TMEM67: variants seen among roughly 807,000 people sequenced by gnomAD.
TMEM67 encodes transmembrane protein 67.
Under a neutral mutation model 136.6 loss-of-function variants are expected in TMEM67, and 124 were observed. That is an observed-to-expected ratio of 0.91 (90% CI 0.78 to 1.05). The LOEUF (loss-of-function observed/expected upper bound fraction) is 1.05, where lower values mean the gene tolerates loss of function less well. TMEM67 is among the 50% of genes least tolerant of loss of function. The pLI is 0.00. For missense variants in TMEM67, 1,107 were observed against 1,178.4 expected (o/e 0.94, Z 0.89); for synonymous variants, 364 against 390.5 (o/e 0.93, Z 0.80).
intron 21 of TMEM67, among the ~76,000 whole-genome samples, chr8:93,800,168 C>A (rs1814810398): frequency 6.6e-6 from 1 of 152,126 alleles, no homozygotes; most frequent in Non-Finnish European, 1.5e-5. Context: ...TCCTCACCCT[C>A]CCAAAGTTCT....
At chr8:93,772,689 TGAA>T (rs1480250161) in intron 7 of TMEM67, 38 bp downstream of exon 7, 1 of 1,473,242 alleles carries the variant, frequency 6.8e-7, no homozygotes, top group Non-Finnish European at 9.5e-7. Context: ...CATTTTATTT[TGAA>T]GAATTATACC....
chr8:93,809,033 A>G (rs377369722), intron 24 of TMEM67, 24 bp from the exon 25 acceptor site: 14 of 1,551,850 alleles, frequency 9.0e-6, no homozygotes, highest in Non-Finnish European at 1.2e-5. Flanking sequence ...AACACTTTGT[A>G]TTCATTTCTC....
At chr8:93,768,129 G>A (rs1013966024) in intron 6 of TMEM67, among the ~76,000 whole-genome samples, 3 of 151,574 alleles carry the variant, frequency 2.0e-5, no homozygotes, top group African/African-American at 7.3e-5. Flanking sequence ...GCCTCCCAAA[G>A]TGCTGGGATT....
chr8:93,804,949 T>TAA, intron 23 of TMEM67, 71 bp downstream of exon 23: 25 of 853,678 alleles, frequency 2.9e-5, no homozygotes, highest in East Asian at 1.4e-4. Context: ...GGATTTGTTT[T>TAA]AAAAAAAAAA....
intron 3 of TMEM67, among the ~76,000 whole-genome samples, chr8:93,762,510 G>A (rs969086579): frequency 6.6e-6 from 1 of 151,794 alleles, no homozygotes; most frequent in Non-Finnish European, 1.5e-5. Context: ...TTTTTTCAGA[G>A]ACGTGGTCTT....
chr8:93,764,994 A>G (rs1813019411), intron 4 of TMEM67, among the ~76,000 whole-genome samples: 1 of 152,224 alleles, frequency 6.6e-6, no homozygotes, highest in Non-Finnish European at 1.5e-5. Flanking sequence ...TAGGAGCTAG[A>G]GATACATTTC....
intron 10 of TMEM67, 71 bp from the exon 11 acceptor site, chr8:93,782,324 G>A: frequency 8.4e-7 from 1 of 1,188,882 alleles, no homozygotes; most frequent in Non-Finnish European, 1.3e-6. Flanking sequence ...TCCATGTTCG[G>A]GTTTGAGAAC....
chr8:93,763,439 A>G (rs1190378934), intron 3 of TMEM67, among the ~76,000 whole-genome samples: 2 of 152,260 alleles, frequency 1.3e-5, no homozygotes, highest in African/African-American at 2.4e-5. Flanking sequence ...AGATACTACT[A>G]AAAGCCTTCT....
downstream of TMEM67, among the ~76,000 whole-genome samples, chr8:93,822,224 A>C (rs1222666209): frequency 6.6e-6 from 1 of 152,260 alleles, no homozygotes; most frequent in Non-Finnish European, 1.5e-5. Context: ...CCAAATGACC[A>C]ATAAACACCT....
chr8:93,767,890 A>G (rs1172457690), intron 6 of TMEM67, among the ~76,000 whole-genome samples: 92 of 107,260 alleles, frequency 8.6e-4, no homozygotes, highest in Non-Finnish European at 1.1e-3. Context: ...TTTGAGACGG[A>G]GTTTCACTCT....
intron 23 of TMEM67, among the ~76,000 whole-genome samples, chr8:93,808,332 A>C (rs1229156798): frequency 1.4e-5 from 2 of 140,692 alleles, no homozygotes; most frequent in South Asian, 2.2e-4. Context: ...TAAATTATAG[A>C]TAATAAATAT....
At chr8:93,814,350 A>G (rs1487109722) in intron 26 of TMEM67, among the ~76,000 whole-genome samples, 2 of 150,750 alleles carry the variant, frequency 1.3e-5, no homozygotes, top group Non-Finnish European at 2.9e-5. Flanking sequence ...CGTGTTAGCC[A>G]GGATAGTCTT....
chr8:93,759,799 C>A (rs1812743538), intron 3 of TMEM67: 1 of 415,096 alleles, frequency 2.4e-6, no homozygotes, highest in African/African-American at 2.1e-5. Context: ...TAGGCATGTG[C>A]CACCACACCT....
chr8:93,823,711 A>G (rs1385093547), downstream of TMEM67, among the ~76,000 whole-genome samples: 1 of 152,222 alleles, frequency 6.6e-6, no homozygotes, highest in Non-Finnish European at 1.5e-5. Flanking sequence ...AGAATTGACC[A>G]GATTCGAAAA....
intron 3 of TMEM67, chr8:93,762,964 C>A: frequency 2.3e-6 from 1 of 433,814 alleles, no homozygotes; most frequent in Non-Finnish European, 4.6e-6. Context: ...TCACTCTTGC[C>A]CAGGCTGGAG....
intron 1 of TMEM67, 67 bp downstream of exon 1, chr8:93,755,204 T>C (rs976534512): frequency 7.1e-7 from 1 of 1,402,330 alleles, no homozygotes; most frequent in African/African-American, 1.4e-5. Flanking sequence ...CTAGTCCCCG[T>C]AAATGGAGTT....
intron 16 of TMEM67, 75 bp from the exon 17 acceptor site, chr8:93,795,334 A>G (rs1197840911): frequency 8.6e-7 from 1 of 1,159,270 alleles, no homozygotes; most frequent in Non-Finnish European, 1.3e-6. Flanking sequence ...GATGATGTAT[A>G]AAAGTGGTAG....
the TMEM67 span, among the ~76,000 whole-genome samples, chr8:93,831,084 G>T: frequency 6.6e-6 from 1 of 152,200 alleles, no homozygotes; most frequent in Middle Eastern, 3.2e-3. Flanking sequence ...CATGTTCGGT[G>T]CTCCCACTTT....
At chr8:93,772,354 G>T (rs546181615) in intron 6 of TMEM67, among the ~76,000 whole-genome samples, 31 of 152,156 alleles carry the variant, frequency 2.0e-4, no homozygotes, top group South Asian at 1.7e-3. Flanking sequence ...TAGGCATGTA[G>T]TATTTTTTGA....
Sources: allele counts gnomAD v4.1 joint callset (sites outside exome capture counted in the v4.1 genomes callset), GRCh38; gene constraint gnomAD v4.1.1; transcripts MANE v1.5; gene names NCBI Gene and HGNC (gene_info 2026-07-23, HGNC 2026-07-21).